Variants in PDE4D observed in about 807,000 individuals in gnomAD.
PDE4D encodes the protein phosphodiesterase 4D.
Under a neutral mutation model 87.4 loss-of-function variants are expected in PDE4D, and 24 were observed. The observed-to-expected ratio is 0.27, with a 90% CI of 0.20 to 0.39. The LOEUF is 0.39. PDE4D is among the 10% of genes least tolerant of loss of function. PDE4D has a pLI of 1.00. For synonymous variants in PDE4D, 384 were observed against 383.2 expected (o/e 1.00, Z -0.02); for missense variants, 714 against 1,041.0 (o/e 0.69, Z 4.32).
intron 5 of PDE4D, among the ~76,000 whole-genome samples, chr5:59,050,635 G>C (rs185495347): frequency 3.9e-5 from 6 of 152,302 alleles, no homozygotes; most frequent in African/African-American, 1.2e-4. Context: ...TATACACACA[G>C]AAGAATCCAC....
intron 1 of PDE4D, among the ~76,000 whole-genome samples, chr5:60,298,938 T>A (rs896542778): frequency 3.3e-5 from 5 of 152,202 alleles, no homozygotes; most frequent in African/African-American, 1.2e-4. Context: ...CCACGGAACT[T>A]TGAAGTCTCT....
chr5:59,895,485 A>G (rs1271721554), upstream of PDE4D, among the ~76,000 whole-genome samples: 1 of 152,212 alleles, frequency 6.6e-6, no homozygotes, highest in Non-Finnish European at 1.5e-5. Context: ...ACCATACTTT[A>G]CAAAGGCACT....
At chr5:59,729,355 T>C (rs1757052015) in intron 1 of PDE4D, among the ~76,000 whole-genome samples, 1 of 152,136 alleles carries the variant, frequency 6.6e-6, no homozygotes, top group African/African-American at 2.4e-5. Context: ...AAGTTTCGTA[T>C]ATTTGTGATT....
chr5:59,430,223 C>G, intron 1 of PDE4D: 1 of 1,214,004 alleles, frequency 8.2e-7, no homozygotes, highest in Non-Finnish European at 1.0e-6. Flanking sequence ...AGCAGACATC[C>G]AAAGCAGTTA....
intron 1 of PDE4D, among the ~76,000 whole-genome samples, chr5:60,298,021 C>A (rs946929722): frequency 2.3e-4 from 35 of 152,140 alleles, no homozygotes; most frequent in African/African-American, 6.8e-4. Context: ...TTATCAAATT[C>A]TTTTTGTACT....
At chr5:60,105,957 C>G (rs182135359) in intron 2 of PDE4D, among the ~76,000 whole-genome samples, 195 of 152,242 alleles carry the variant, frequency 1.3e-3, no homozygotes, top group African/African-American at 4.5e-3. Context: ...AACTAATGAG[C>G]AAAATAACCA....
At chr5:59,759,342 T>C (rs1761687035) in intron 1 of PDE4D, among the ~76,000 whole-genome samples, 1 of 152,218 alleles carries the variant, frequency 6.6e-6, no homozygotes, top group African/African-American at 2.4e-5. Context: ...AGAAAGACCA[T>C]GTCTTCTTAA....
At chr5:59,408,912 TGA>T (rs1406195608) in intron 1 of PDE4D, among the ~76,000 whole-genome samples, 1 of 152,070 alleles carries the variant, frequency 6.6e-6, no homozygotes, top group Non-Finnish European at 1.5e-5. Flanking sequence ...TTTGGGCGGC[TGA>T]GACAGGTGAA....
intron 1 of PDE4D, among the ~76,000 whole-genome samples, chr5:60,420,392 G>T (rs959485851): frequency 6.6e-6 from 1 of 152,178 alleles, no homozygotes; most frequent in African/African-American, 2.4e-5. Context: ...ATTTCTCAAA[G>T]ATTTGGACTA....
chr5:60,206,947 G>A (rs1025260120), intron 1 of PDE4D, among the ~76,000 whole-genome samples: 35 of 152,156 alleles, frequency 2.3e-4, no homozygotes, highest in African/African-American at 8.2e-4. Flanking sequence ...AAATTGTGTG[G>A]TACACCTGAT....
chr5:60,222,154 C>T (rs1460380491), intron 1 of PDE4D, among the ~76,000 whole-genome samples: 4 of 152,084 alleles, frequency 2.6e-5, no homozygotes, highest in African/African-American at 9.7e-5. Context: ...TTCCACCTTG[C>T]TCTCTATTGA....
At chr5:59,361,341 A>G (rs1023261352) in intron 1 of PDE4D, among the ~76,000 whole-genome samples, 2 of 152,206 alleles carry the variant, frequency 1.3e-5, no homozygotes, top group African/African-American at 4.8e-5. Flanking sequence ...ATGTAGACTA[A>G]TCATTTGAAA....
chr5:60,473,124 A>AAAGGAAGG (rs562842272), intron 1 of PDE4D, among the ~76,000 whole-genome samples: 1,899 of 81,242 alleles, frequency 0.023, 34 homozygotes, highest in East Asian at 0.045. Context: ...AGAGAGAAAG[A>AAAGGAAGG]AAGGAAGGAA....
chr5:59,773,367 T>C (rs1763766354), intron 1 of PDE4D, among the ~76,000 whole-genome samples: 1 of 152,140 alleles, frequency 6.6e-6, no homozygotes, highest in Non-Finnish European at 1.5e-5. Flanking sequence ...AAAGCAGATC[T>C]AGTATTTAAA....
intron 2 of PDE4D, among the ~76,000 whole-genome samples, chr5:60,096,012 G>C (rs1030821024): frequency 7.9e-5 from 12 of 152,176 alleles, no homozygotes; most frequent in African/African-American, 2.6e-4. Context: ...CAGATGGATA[G>C]ATTCCAAAAA....
intron 1 of PDE4D, among the ~76,000 whole-genome samples, chr5:59,718,418 C>G (rs893442362): frequency 2.0e-5 from 3 of 152,124 alleles, no homozygotes; most frequent in African/African-American, 7.2e-5. Context: ...TTAAAACACT[C>G]TAAATAGGAA....
chr5:59,957,484 T>C (rs1278165904), intron 3 of PDE4D, among the ~76,000 whole-genome samples: 3 of 152,076 alleles, frequency 2.0e-5, no homozygotes, highest in African/African-American at 7.2e-5. Flanking sequence ...AGTTCTTTTA[T>C]CTGAAAATGT....
chr5:59,202,076 T>G (rs1287129224), intron 2 of PDE4D, among the ~76,000 whole-genome samples: 1 of 135,464 alleles, frequency 7.4e-6, no homozygotes, highest in Non-Finnish European at 1.5e-5. Context: ...TCTCACTCTG[T>G]CGCCCAGGCT....
At chr5:59,421,581 T>C (rs1448927720) in intron 1 of PDE4D, among the ~76,000 whole-genome samples, 1 of 152,154 alleles carries the variant, frequency 6.6e-6, no homozygotes, top group Non-Finnish European at 1.5e-5. Flanking sequence ...TAGATAACTC[T>C]GTAGTAATCA....
Sources: gnomAD v4.1 joint callset for allele counts (sites outside exome capture counted in the v4.1 genomes callset) on GRCh38, gnomAD v4.1.1 for gene constraint, MANE v1.5 for transcripts, NCBI Gene and HGNC (gene_info 2026-07-23, HGNC 2026-07-21) for gene names.